Variants in ADAMTS12 observed in about 807,000 individuals in gnomAD.
ADAMTS12 encodes A disintegrin and metalloproteinase with thrombospondin motifs 12.
ADAMTS12 carries 118 observed loss-of-function variants against 167.8 expected under a neutral mutation model. The ratio of observed to expected loss-of-function variants is 0.70; its 90% CI spans 0.61 to 0.82. The LOEUF (loss-of-function observed/expected upper bound fraction) is 0.82, where lower values mean the gene tolerates loss of function less well. Among genes scored for constraint, ADAMTS12 ranks in the 40% least tolerant of loss-of-function variants. The probability of loss-of-function intolerance (pLI) is 0.00; values close to 1 mark genes in which losing one functional copy is unlikely to be tolerated. For missense variants in ADAMTS12, 1,916 were observed against 1,998.8 expected (o/e 0.96, Z 0.79); for synonymous variants, 704 against 716.9 (o/e 0.98, Z 0.29).
At chr5:33,591,104 G>GTGTGTGTGTGTC (rs149905578) in intron 17 of ADAMTS12, among the ~76,000 whole-genome samples, 22 of 148,754 alleles carry the variant, frequency 1.5e-4, no homozygotes, top group East Asian at 5.9e-4. Flanking sequence ...GTGTGTGTGT[G>GTGTGTGTGTGTC]TATGTGTGTG....
At chr5:33,573,302 A>C (rs1438113786) in intron 19 of ADAMTS12, among the ~76,000 whole-genome samples, 2 of 152,214 alleles carry the variant, frequency 1.3e-5, no homozygotes, top group South Asian at 2.1e-4. Flanking sequence ...GTCAATCCTA[A>C]GCCAAAAGAA....
intron 2 of ADAMTS12, among the ~76,000 whole-genome samples, chr5:33,856,855 A>T (rs1749419514): frequency 6.6e-6 from 1 of 152,202 alleles, no homozygotes; most frequent in Non-Finnish European, 1.5e-5. Flanking sequence ...TTCCTCAAAA[A>T]CTAAAAGTAA....
At chr5:33,671,152 G>T (rs1211618057) in intron 5 of ADAMTS12, among the ~76,000 whole-genome samples, 1 of 152,190 alleles carries the variant, frequency 6.6e-6, no homozygotes, top group Non-Finnish European at 1.5e-5. Flanking sequence ...GCTTATCAGG[G>T]ATCAGGTAGG....
intron 19 of ADAMTS12, among the ~76,000 whole-genome samples, chr5:33,573,524 G>A (rs1164576622): frequency 6.6e-6 from 1 of 152,120 alleles, no homozygotes; most frequent in Non-Finnish European, 1.5e-5. Flanking sequence ...AAATGGTGCT[G>A]GGAAAACTGG....
At chr5:33,607,802 A>T (rs1738521622) in intron 16 of ADAMTS12, among the ~76,000 whole-genome samples, 1 of 152,216 alleles carries the variant, frequency 6.6e-6, no homozygotes, top group South Asian at 2.1e-4. Flanking sequence ...TAAGTAACAT[A>T]CAAATTGATC....
Position 33,615,990 on chromosome 5 carries a change from G to A in ADAMTS12, c.2226C>T (p.Ala742=). 6.2e-7 allele frequency: 1 copy of A among 1,614,126 alleles called. No homozygotes were observed. ...ATTTTTCAGGATCTTCACTCCTGAT[G>A]GCCAGGAAGTTTCCAGCTCCCTCAA... The part of the protein sequence containing the change: ...MEIEGAGNFL[A]IRSEDPEKYY... The change falls in exon 15 of 24, where the codon GCC becomes GCT. Residue 742 remains alanine, a synonymous_variant. Coordinates refer to ENST00000504830, the MANE Select transcript of ADAMTS12 (RefSeq NM_030955.4).
At chr5:33,636,782 A>G (rs770930495) in intron 12 of ADAMTS12, among the ~76,000 whole-genome samples, 5 of 152,194 alleles carry the variant, frequency 3.3e-5, no homozygotes, top group Non-Finnish European at 7.3e-5. Context: ...CTACTCAGAT[A>G]ACAACAAACA....
intron 2 of ADAMTS12, among the ~76,000 whole-genome samples, chr5:33,762,491 T>C (rs888363645): frequency 2.0e-5 from 3 of 150,900 alleles, no homozygotes; most frequent in East Asian, 1.9e-4. Flanking sequence ...CTGGGCAGCA[T>C]AGTGAGACTC....
chr5:33,568,900 G>A (rs150215965), intron 19 of ADAMTS12, among the ~76,000 whole-genome samples: 1,794 of 152,338 alleles, frequency 0.012, 34 homozygotes, highest in African/African-American at 0.041. Flanking sequence ...TGAATACTGC[G>A]CTTTTCCGAC....
chr5:33,605,212 G>A (rs1451129769), intron 16 of ADAMTS12, among the ~76,000 whole-genome samples: 4 of 152,150 alleles, frequency 2.6e-5, no homozygotes, highest in Admixed American at 6.5e-5. Flanking sequence ...CCACTGAGCC[G>A]AGTCTAGCCT....
chr5:33,620,760 C>T (rs1554028133), intron 14 of ADAMTS12, among the ~76,000 whole-genome samples: 1 of 151,970 alleles, frequency 6.6e-6, no homozygotes, highest in Non-Finnish European at 1.5e-5. Flanking sequence ...CATGGCATAC[C>T]TTTTTCTTAA....
In ADAMTS12 at chr5:33,549,165, C is replaced by T. The variant is rs1370156454; in HGVS notation, c.4302+42G>A. The T allele has an allele frequency of 3.1e-6, 5 of 1,591,452 alleles. No individual in the cohort carries two copies. In the Admixed American group the frequency reaches 8.5e-5, roughly 27 times the overall value. On this transcript the variant is annotated intron_variant, in intron 21 of 23. Transcript: ENST00000504830. ...CAGTAACACAGAGATTCATGGCTTG[C>T]CAGGTTGTGTGAGGACATCTCTCCC...
In ADAMTS12 at chr5:33,588,748, G is replaced by A. The variant is rs1373326230; in HGVS notation, c.2716C>T (p.Arg906Ter). 2.5e-6 allele frequency: 4 copies of A among 1,614,044 alleles called. No homozygotes were observed. The highest frequency in any genetic ancestry group is 3.4e-6 in the Non-Finnish European group (4 of 1,180,032). The change falls in exon 18 of 24, where the codon CGA becomes TGA. Residue 906 changes from arginine to a stop codon, truncating the protein, a stop_gained. Transcript: ENST00000504830. LOFTEE classifies it high-confidence loss of function. ...ATGGTCTGGATGCACAGCACGGTTC[G>A]CTTCTTCTCCCCGTGGGGCCCGCAT... ...ATCGPHGEKKRTVLCIQTMVS... is the reference protein window; with the variant it reads ...ATCGPHGEKK
chr5:33,890,680 T>A (rs1463145694), intron 1 of ADAMTS12, among the ~76,000 whole-genome samples: 2 of 152,188 alleles, frequency 1.3e-5, no homozygotes, highest in African/African-American at 2.4e-5. Flanking sequence ...AACCCAGTGC[T>A]CTGTGTGCGT....
chr5:33,707,472 C>T (rs1403622765), intron 3 of ADAMTS12, among the ~76,000 whole-genome samples: 1 of 152,022 alleles, frequency 6.6e-6, no homozygotes, highest in Non-Finnish European at 1.5e-5. Flanking sequence ...CATATGGAAC[C>T]AAAAAAGAAC....
At chr5:33,761,249 T>G (rs943647200) in intron 2 of ADAMTS12, among the ~76,000 whole-genome samples, 3 of 152,208 alleles carry the variant, frequency 2.0e-5, no homozygotes, top group African/African-American at 7.2e-5. Context: ...GCCCTGGGCC[T>G]TCTTCTCCCA....
At chr5:33,761,302 T>C (rs1360055420) in intron 2 of ADAMTS12, among the ~76,000 whole-genome samples, 1 of 152,214 alleles carries the variant, frequency 6.6e-6, no homozygotes, top group African/African-American at 2.4e-5. Flanking sequence ...GCTCCCACCC[T>C]GGAAGGAGGG....
At chr5:33,705,664 G>A (rs1743170550) in intron 3 of ADAMTS12, among the ~76,000 whole-genome samples, 1 of 151,860 alleles carries the variant, frequency 6.6e-6, no homozygotes, top group Non-Finnish European at 1.5e-5. Context: ...ACAAGAATTA[G>A]CTGGGCGTGG....
chr5:33,561,316 T>C (rs1395547060), intron 19 of ADAMTS12, 137 bp from the exon 20 acceptor site: 2 of 1,061,380 alleles, frequency 1.9e-6, no homozygotes, highest in Non-Finnish European at 2.6e-6. Context: ...TTACCAACAC[T>C]TGGGGCACCC....
Sources: gnomAD v4.1 joint callset for allele counts (sites outside exome capture counted in the v4.1 genomes callset) on GRCh38, gnomAD v4.1.1 for gene constraint, MANE v1.5 for transcripts, NCBI Gene and HGNC (gene_info 2026-07-23, HGNC 2026-07-21) for gene names.